Variants in SORD observed in about 807,000 individuals in gnomAD.
SORD encodes the protein sorbitol dehydrogenase, also known as (R,R)-butanediol dehydrogenase.
SORD carries 18 observed loss-of-function variants against 35.6 expected under a neutral mutation model. The observed-to-expected ratio is 0.51, with a 90% CI of 0.35 to 0.75. SORD has a LOEUF of 0.75. Among genes scored for constraint, SORD ranks in the 30% least tolerant of loss-of-function variants. The pLI, the probability that SORD is intolerant of heterozygous loss-of-function variation, is 0.01. For missense variants in SORD, 250 were observed against 390.2 expected, an observed-to-expected ratio of 0.64 and a Z score of 3.03; for synonymous variants, 106 against 152.9, an observed-to-expected ratio of 0.69 and a Z score of 2.26.
At chr15:45,050,505 C>T (rs747271689) in intron 3 of SORD, 1 of 152,218 alleles carries the variant, frequency 6.6e-6, no homozygotes, top group Non-Finnish European at 1.5e-5. Context: ...TCTTTACTCA[C>T]CACAGTTTAG....
chr15:45,025,624 C>CAAAA (rs34029087), intron 1 of SORD, among the ~76,000 whole-genome samples: 1 of 68,250 alleles, frequency 1.5e-5, no homozygotes, highest in Non-Finnish European at 3.3e-5. Context: ...AAAACTATGT[C>CAAAA]AAAAAAAAAA....
At chr15:45,043,513 A>G in intron 3 of SORD, 92 bp downstream of exon 3, 1 of 555,066 alleles carries the variant, frequency 1.8e-6, no homozygotes, top group South Asian at 2.1e-5. Context: ...CTCTGGGTAC[A>G]GCAGGGAACA....
chr15:45,025,594 A>C (rs1892655609), intron 1 of SORD, among the ~76,000 whole-genome samples: 1 of 146,864 alleles, frequency 6.8e-6, no homozygotes, highest in African/African-American at 2.6e-5. Context: ...GTACCACTGC[A>C]CTCCAGCCTG....
rs571306014 is a variant in SORD at position 45,068,888 on chromosome 15, A to T, written c.622A>T (p.Thr208Ser). Residue 208 changes from threonine to serine, a missense_variant, in exon 7 of 9, where the codon ACC becomes TCC. Thr to Ser is a moderately conservative substitution (Grantham distance 58). Transcript: ENST00000267814. ...TTTTTTACCTTCAGATCTGTCTGCT[A>T]CCCGATTGTCCAAAGCCAAGGAGAT... Reference protein sequence around the residue: ...AQVVVTDLSATRLSKAKEIGA... With the variant: ...AQVVVTDLSASRLSKAKEIGA... 6.7e-7 allele frequency: 1 copy of T among 1,495,038 alleles called. No individual in the cohort carries two copies. The highest frequency in any genetic ancestry group is 2.5e-5 in the East Asian group (1 of 40,632). 92.6% of individuals were successfully genotyped at this position (1,495,038 alleles called of 1,614,324 possible).
At chr15:45,044,843 A>G (rs181251018) in intron 3 of SORD, among the ~76,000 whole-genome samples, 3 of 151,822 alleles carry the variant, frequency 2.0e-5, no homozygotes. Flanking sequence ...GATTACAGAC[A>G]TGCAGCACCA....
chr15:45,033,924 A>C (rs1395281631), intron 1 of SORD, among the ~76,000 whole-genome samples: 1 of 152,154 alleles, frequency 6.6e-6, no homozygotes, highest in East Asian at 1.9e-4. Flanking sequence ...AGGTCATATA[A>C]GAACTTAGTT....
At position 45,066,101 on chromosome 15, in the gene SORD, A is replaced by G. The variant is rs1234989605; in HGVS notation, c.544+712A>G. ...TTTACTAAAAATACAAAAATTAGCC[A>G]GGCGTGGTGGTGCACCCCCTGTAGT... On this transcript the variant is annotated intron_variant, in intron 5 of 8. Transcript: ENST00000267814. Among the ~76,000 whole-genome samples, 4 of 151,498 alleles carry G rather than the reference A, an allele frequency of 2.6e-5. No homozygotes were observed. The East Asian group carries it at 8.0e-4, about 30-fold the overall frequency.
chr15:45,070,022 T>C (rs1477274710), intron 7 of SORD: 4 of 152,312 alleles, frequency 2.6e-5, no homozygotes, highest in East Asian at 1.9e-4. Context: ...TTCCAAGCCC[T>C]ACTGTACGCC....
At chr15:45,059,589 G>C (rs2854445) in intron 3 of SORD, among the ~76,000 whole-genome samples, 147,521 of 152,300 alleles carry the variant, frequency 0.97, 71,520 homozygotes, top group Non-Finnish European at 0.99. Context: ...AACCTCTTGG[G>C]CTCAAGTGAT....
At chr15:45,046,498 C>T (rs1384959661) in intron 3 of SORD, among the ~76,000 whole-genome samples, 1 of 152,210 alleles carries the variant, frequency 6.6e-6, no homozygotes, top group African/African-American at 2.4e-5. Flanking sequence ...CCTCCTCGGC[C>T]TCCCAGAGTG....
At chr15:45,032,917 G>A (rs950169427) in intron 1 of SORD, among the ~76,000 whole-genome samples, 5 of 151,758 alleles carry the variant, frequency 3.3e-5, no homozygotes, top group South Asian at 2.1e-4. Flanking sequence ...GGTCTCTTGC[G>A]CCCTGCAGGT....
intron 3 of SORD, among the ~76,000 whole-genome samples, chr15:45,048,075 A>T (rs1893072835): frequency 6.6e-6 from 1 of 152,210 alleles, no homozygotes; most frequent in South Asian, 2.1e-4. Flanking sequence ...CTGCATGAAG[A>T]TGAACCATCT....
At chr15:45,038,651 C>A (rs34181615) in intron 1 of SORD, among the ~76,000 whole-genome samples, 2,197 of 151,852 alleles carry the variant, frequency 0.014, 15 homozygotes, top group Admixed American at 0.024. Flanking sequence ...GATGCTAAAG[C>A]GATGGAAGGC....
intron 3 of SORD, among the ~76,000 whole-genome samples, chr15:45,047,761 A>G (rs1445893937): frequency 1.3e-5 from 2 of 152,228 alleles, no homozygotes; most frequent in South Asian, 2.1e-4. Context: ...CCTCACTGGC[A>G]TTCAGCCGTG....
intron 3 of SORD, among the ~76,000 whole-genome samples, chr15:45,046,781 G>T (rs1314609311): frequency 1.3e-5 from 2 of 152,274 alleles, no homozygotes; most frequent in East Asian, 3.9e-4. Flanking sequence ...ACTTTGGGAG[G>T]CTGATGCAGG....
intron 3 of SORD, among the ~76,000 whole-genome samples, chr15:45,059,837 A>G (rs1262712993): frequency 6.6e-6 from 1 of 152,192 alleles, no homozygotes; most frequent in East Asian, 1.9e-4. Context: ...TCTGAAAAGC[A>G]TTATGCTAAC....
chr15:45,027,984 T>C (rs1424255376), intron 1 of SORD, among the ~76,000 whole-genome samples: 2 of 152,256 alleles, frequency 1.3e-5, no homozygotes, highest in African/African-American at 4.8e-5. Context: ...CAGTCGGCCA[T>C]GGACTGATAT....
intron 1 of SORD, among the ~76,000 whole-genome samples, chr15:45,027,209 G>A (rs796583675): frequency 0.2 from 29,504 of 147,492 alleles, no homozygotes; most frequent in African/African-American, 0.44. Flanking sequence ...GAGGAAAAGG[G>A]ACTGATGACC....
intron 7 of SORD, among the ~76,000 whole-genome samples, chr15:45,071,009 G>A (rs532399976): frequency 2.0e-4 from 31 of 152,332 alleles, no homozygotes; most frequent in Middle Eastern, 3.4e-3. Flanking sequence ...AGGCCACCCC[G>A]CCAATGAGCA....
Sources: gnomAD v4.1 joint callset for allele counts (sites outside exome capture counted in the v4.1 genomes callset) on GRCh38, gnomAD v4.1.1 for gene constraint, MANE v1.5 for transcripts, NCBI Gene and HGNC (gene_info 2026-07-23, HGNC 2026-07-21) for gene names.